Variants in LRRC7 observed in about 807,000 individuals in gnomAD.
LRRC7 encodes the protein leucine rich repeat containing 7.
In LRRC7, 23 loss-of-function variants were observed where a neutral mutation model predicts 175.7. The observed-to-expected ratio is 0.13, with a 90% CI of 0.09 to 0.19. The LOEUF is 0.19. Ranked by LOEUF, LRRC7 falls within the 10% of genes least tolerant of loss-of-function variation. The probability of loss-of-function intolerance (pLI) is 1.00; values close to 1 mark genes in which losing one functional copy is unlikely to be tolerated. For missense variants in LRRC7, 1,354 were observed against 1,904.7 expected (o/e 0.71, Z 5.38); for synonymous variants, 685 against 680.9 (o/e 1.01, Z -0.09).
At chr1:69,576,882 G>A (rs1645973179) in intron 1 of LRRC7, among the ~76,000 whole-genome samples, 1 of 152,146 alleles carries the variant, frequency 6.6e-6, no homozygotes, top group Admixed American at 6.5e-5. Context: ...AGTAATACGA[G>A]ATGTCAACCT....
chr1:69,819,577 CTGTGTGTGTGTGTGTGTGTGTG>C (rs71071379), intron 4 of LRRC7, among the ~76,000 whole-genome samples: 1 of 114,908 alleles, frequency 8.7e-6, no homozygotes, highest in African/African-American at 3.1e-5. Flanking sequence ...CTCTCTCTCT[CTGTGTGTGTGTGTGTGTGTGTG>C]TGTGTGTGTG....
At chr1:69,759,161 A>G (rs1319128595) in intron 2 of LRRC7, among the ~76,000 whole-genome samples, 1 of 152,012 alleles carries the variant, frequency 6.6e-6, no homozygotes, top group Non-Finnish European at 1.5e-5. Context: ...CCTTTTCGTT[A>G]AAATAAGTTT....
intron 1 of LRRC7, among the ~76,000 whole-genome samples, chr1:69,578,908 T>C (rs1156294145): frequency 6.6e-6 from 1 of 151,164 alleles, no homozygotes; most frequent in Non-Finnish European, 1.5e-5. Flanking sequence ...CTGCACATTG[T>C]GCACATGTAC....
intron 8 of LRRC7, among the ~76,000 whole-genome samples, chr1:69,973,032 C>A: frequency 7.1e-6 from 1 of 140,774 alleles, no homozygotes; most frequent in African/African-American, 2.6e-5. Context: ...ATAAATACTA[C>A]TATATATAGT....
rs534468696 is a variant in LRRC7, at chr1:69,961,218, A to C, written c.712-19161A>C. On this transcript the variant is annotated intron_variant, in intron 8 of 26. Coordinates refer to ENST00000651989, the MANE Select transcript of LRRC7 (RefSeq NM_001370785.2). ...CAAGCTGAGAGTCAAATTACAAATG[A>C]GCTCCCATTCACAATTGAAATAAAA... Among the ~76,000 whole-genome samples the C allele has an allele frequency of 1.7e-4, 26 of 152,176 alleles. 1 individual carries two copies. The highest frequency in any genetic ancestry group is 3.7e-4 in the Non-Finnish European group (25 of 68,038).
At chr1:69,689,638 T>C (rs569353132) in intron 2 of LRRC7, among the ~76,000 whole-genome samples, 1 of 152,278 alleles carries the variant, frequency 6.6e-6, no homozygotes. Flanking sequence ...AGGTTCATCA[T>C]TAAGATGACT....
chr1:69,596,075 T>G (rs950743231), intron 1 of LRRC7, among the ~76,000 whole-genome samples: 1 of 151,944 alleles, frequency 6.6e-6, no homozygotes, highest in Non-Finnish European at 1.5e-5. Flanking sequence ...TACCTGTGAG[T>G]CTGCATCTGC....
chr1:70,120,800 G>A (rs909613998), intron 26 of LRRC7, among the ~76,000 whole-genome samples: 7 of 151,922 alleles, frequency 4.6e-5, no homozygotes, highest in South Asian at 2.1e-4. Flanking sequence ...GTCTCAAACC[G>A]CAAAGAAAGC....
intron 7 of LRRC7, among the ~76,000 whole-genome samples, chr1:69,915,991 A>G (rs1646674987): frequency 6.9e-6 from 1 of 144,242 alleles, no homozygotes; most frequent in Admixed American, 7.5e-5. Context: ...AGACCCAGGT[A>G]GTTTGAGTCC....
At chr1:69,601,762 T>G (rs1184507940) in intron 1 of LRRC7, among the ~76,000 whole-genome samples, 4 of 152,340 alleles carry the variant, frequency 2.6e-5, no homozygotes, top group African/African-American at 9.6e-5. Context: ...TTTTATACTA[T>G]TCCCTTTTTT....
chr1:70,086,564 A>C (rs1251631705), intron 24 of LRRC7, among the ~76,000 whole-genome samples: 1 of 151,954 alleles, frequency 6.6e-6, no homozygotes, highest in Non-Finnish European at 1.5e-5. Flanking sequence ...GAATTACTTG[A>C]GCCCAGGAGT....
intron 2 of LRRC7, among the ~76,000 whole-genome samples, chr1:69,754,469 C>T (rs1670183885): frequency 6.6e-6 from 1 of 152,000 alleles, no homozygotes; most frequent in Admixed American, 6.6e-5. Context: ...TCTTGAGAAA[C>T]TAGGTCAGTG....
At chr1:69,926,947 G>A (rs543912196) in intron 7 of LRRC7, among the ~76,000 whole-genome samples, 61 of 152,242 alleles carry the variant, frequency 4.0e-4, no homozygotes, top group African/African-American at 1.1e-3. Flanking sequence ...GGCTGGTACC[G>A]GTTGTTCCTT....
chr1:70,050,134 CACAT>C (rs1474628130), intron 22 of LRRC7, among the ~76,000 whole-genome samples: 1 of 152,046 alleles, frequency 6.6e-6, no homozygotes, highest in African/African-American at 2.4e-5. Context: ...CATAAGAACA[CACAT>C]GCATGCACTT....
Position 69,847,095 on chromosome 1 carries a change from T to A in LRRC7, c.647+8812T>A, listed in dbSNP as rs143371902. ...CTTTTTGCTTTTAAAATTGGTAGCT[T>A]CTTTAGGCAAATATTGAATTTAGCA... On this transcript the variant is annotated intron_variant, in intron 7 of 26. Coordinates refer to ENST00000651989, the MANE Select transcript of LRRC7 (RefSeq NM_001370785.2). Among the ~76,000 whole-genome samples, 194 of 152,192 alleles carry A rather than the reference T, an allele frequency of 1.3e-3. 1 individual carries two copies. Among genetic ancestry groups the A allele is most frequent in the African/African-American group, 4.5e-3 (187 of 41,556 alleles).
At chr1:69,899,520 A>G (rs868210425) in intron 7 of LRRC7, among the ~76,000 whole-genome samples, 3 of 152,362 alleles carry the variant, frequency 2.0e-5, no homozygotes, top group Middle Eastern at 3.4e-3. Context: ...TGGGTCAGAT[A>G]GTAAATATTT....
intron 2 of LRRC7, among the ~76,000 whole-genome samples, chr1:69,754,653 C>G (rs1006896278): frequency 2.0e-5 from 3 of 151,952 alleles, no homozygotes; most frequent in Non-Finnish European, 4.4e-5. Flanking sequence ...TGCCCTGGGT[C>G]ACATAGTCAG....
intron 8 of LRRC7, among the ~76,000 whole-genome samples, chr1:69,976,077 A>G (rs761111150): frequency 4.0e-5 from 6 of 151,810 alleles, no homozygotes; most frequent in Non-Finnish European, 7.4e-5. Context: ...TTTTCTTCTT[A>G]TTTATCTTCA....
At chr1:69,762,671 G>A (rs999962180) in intron 3 of LRRC7, among the ~76,000 whole-genome samples, 5 of 151,972 alleles carry the variant, frequency 3.3e-5, no homozygotes, top group African/African-American at 1.2e-4. Context: ...GCATTGATAA[G>A]ATAATTCCAT....
Sources: gnomAD v4.1 joint callset for allele counts (sites outside exome capture counted in the v4.1 genomes callset) on GRCh38, gnomAD v4.1.1 for gene constraint, MANE v1.5 for transcripts, NCBI Gene and HGNC (gene_info 2026-07-23, HGNC 2026-07-21) for gene names.